The following CCDC33 variants were observed in gnomAD, a reference collection of about 807,000 sequenced individuals.
CCDC33 encodes the protein coiled-coil domain-containing protein 33.
In CCDC33, 94 loss-of-function variants were observed where a neutral mutation model predicts 91.9. That is an observed-to-expected ratio of 1.02 (90% CI 0.87 to 1.21). The LOEUF (loss-of-function observed/expected upper bound fraction) is 1.21, where lower values mean the gene tolerates loss of function less well. Among genes scored for constraint, CCDC33 ranks in the 50% most tolerant of loss-of-function variants. The probability of loss-of-function intolerance (pLI) is 0.00; values close to 1 mark genes in which losing one functional copy is unlikely to be tolerated. For synonymous variants in CCDC33, 396 were observed against 374.5 expected, an observed-to-expected ratio of 1.06 and a Z score of -0.66; for missense variants, 940 against 935.5, an observed-to-expected ratio of 1.00 and a Z score of -0.06.
rs754846509 is a variant in CCDC33 at position 74,335,049 on chromosome 15, T to C, written c.2100T>C (p.Gly700=). 2.0e-5 allele frequency: 32 copies of C among 1,613,716 alleles called. No individual in the cohort carries two copies. Among genetic ancestry groups the C allele is most frequent in the Non-Finnish European group, 2.5e-5 (30 of 1,179,910 alleles). ...LATRLQEQEK[G]FRHPSNSIII... is the part of the protein sequence containing the mutation. The stretch of plus-strand genomic sequence containing the variant: ...CACGGCTGCAGGAGCAAGAAAAAGG[T>C]TTCAGGCACCCCTCGAACTCCATCA... Residue 700 remains glycine, a synonymous_variant, in exon 18 of 19, where the codon GGT becomes GGC. Transcript: ENST00000398814.
chr15:74,263,400 CT>C (rs1460529972), intron 3 of CCDC33, among the ~76,000 whole-genome samples: 19 of 152,300 alleles, frequency 1.2e-4, no homozygotes, highest in Non-Finnish European at 2.4e-4. Flanking sequence ...AGAGGACAGG[CT>C]TTGCCTCTCC....
intron 7 of CCDC33, among the ~76,000 whole-genome samples, chr15:74,275,217 C>T (rs926837627): frequency 3.9e-5 from 6 of 152,248 alleles, no homozygotes; most frequent in Non-Finnish European, 8.8e-5. Flanking sequence ...CTGGGTTTGA[C>T]CCCAGCTCTG....
At chr15:74,242,795 G>A (rs758508276) in intron 1 of CCDC33, among the ~76,000 whole-genome samples, 7 of 151,920 alleles carry the variant, frequency 4.6e-5, no homozygotes, top group Non-Finnish European at 1.0e-4. Context: ...CCACCCCACC[G>A]CGTTTATATG....
chr15:74,254,899 C>T (rs2075815864), intron 2 of CCDC33, among the ~76,000 whole-genome samples: 1 of 152,084 alleles, frequency 6.6e-6, no homozygotes, highest in Non-Finnish European at 1.5e-5. Context: ...AGGCGTGTGC[C>T]AACACACCCG....
intron 11 of CCDC33, among the ~76,000 whole-genome samples, chr15:74,296,625 T>C (rs2059693234): frequency 1.3e-5 from 2 of 151,884 alleles, no homozygotes; most frequent in South Asian, 4.2e-4. Context: ...AAACTCCATC[T>C]CAAAAAATAA....
chr15:74,256,863 T>A (rs892294215), intron 2 of CCDC33, among the ~76,000 whole-genome samples: 7 of 152,178 alleles, frequency 4.6e-5, no homozygotes, highest in Admixed American at 4.6e-4. Context: ...TTGTCCGCCA[T>A]GGGTGGAAAG....
Position 74,272,818 on chromosome 15 carries a change from C to A in CCDC33, c.686C>A (p.Thr229Asn). ...CTGGCCTCTGTGGGGCTGCCCATCA[C>A]CCCACTGTCCTTCCCTATCCCGTCC... ...RDLASVGLPI[T>N]PLSFPIPSMM... Residue 229 changes from threonine to asparagine, a missense_variant, in exon 7 of 19, where the codon ACC becomes AAC. Coordinates refer to ENST00000398814, the MANE Select transcript of CCDC33 (RefSeq NM_025055.5). The A allele has an allele frequency of 6.2e-7, 1 of 1,614,226 alleles. No homozygotes were observed. The highest frequency in any genetic ancestry group is 8.5e-7 in the Non-Finnish European group (1 of 1,180,026).
At chr15:74,291,641 G>T (rs761072072) in intron 10 of CCDC33, among the ~76,000 whole-genome samples, 5 of 152,254 alleles carry the variant, frequency 3.3e-5, no homozygotes, top group Admixed American at 6.5e-5. Flanking sequence ...AGGCCGGAAG[G>T]CGGGCACTTT....
At chr15:74,297,561 G>T (rs1461238376) in intron 11 of CCDC33, among the ~76,000 whole-genome samples, 1 of 152,144 alleles carries the variant, frequency 6.6e-6, no homozygotes, top group Non-Finnish European at 1.5e-5. Flanking sequence ...GGACTTGTTG[G>T]TGCACGTCTG....
intron 11 of CCDC33, among the ~76,000 whole-genome samples, chr15:74,309,114 G>A (rs2059944905): frequency 6.6e-6 from 1 of 152,102 alleles, no homozygotes; most frequent in South Asian, 2.1e-4. Context: ...CAGGTGACCT[G>A]TCCCAAGCCC....
intron 2 of CCDC33, among the ~76,000 whole-genome samples, chr15:74,261,107 CCTT>C (rs1194300013): frequency 1.3e-5 from 2 of 152,184 alleles, no homozygotes; most frequent in East Asian, 3.8e-4. Flanking sequence ...GCTGCAGGGT[CCTT>C]CTTACAATCA....
chr15:74,335,691 A>G, intron 18 of CCDC33: 1 of 474,238 alleles, frequency 2.1e-6, no homozygotes, highest in Non-Finnish European at 3.8e-6. Context: ...CCTGGAAAGG[A>G]TGAGGGAACA....
At chr15:74,291,086 G>A (rs1253969090) in intron 10 of CCDC33, among the ~76,000 whole-genome samples, 1 of 152,188 alleles carries the variant, frequency 6.6e-6, no homozygotes, top group African/African-American at 2.4e-5. Flanking sequence ...AATGAATCAT[G>A]GCCCCACCAA....
rs1475579936 is a variant in CCDC33, at chr15:74,260,347, T to A, written c.186-2093T>A. On this transcript the variant is annotated intron_variant, in intron 2 of 18. Transcript: ENST00000398814. ...TGTGAGGAGTCCATTCTGCAGAGCC[T>A]GCAGGGGTGTGTCTGGATGGACGCT... Among the ~76,000 whole-genome samples, 4 of 152,212 alleles carry A rather than the reference T, an allele frequency of 2.6e-5. No individual in the cohort carries two copies. In the South Asian group the frequency reaches 8.3e-4, roughly 32 times the overall value.
At chr15:74,336,212 C>G, downstream of CCDC33, 5 of 1,434,446 alleles carry the variant, frequency 3.5e-6, no homozygotes, top group South Asian at 5.7e-5. Flanking sequence ...CACTCTGGGC[C>G]TGGGCCTGGG....
chr15:74,330,646 C>G lies in CCDC33; in HGVS notation c.1457-17C>G. 1 of 1,607,622 alleles carries G rather than the reference C, an allele frequency of 6.2e-7. No individual in the cohort carries two copies. Among genetic ancestry groups the G allele is most frequent in the Non-Finnish European group, 8.5e-7 (1 of 1,175,210 alleles). ...AGAGGCTTCCTCCCTGAGCCAGCTCCCCAACCCACCTAACAGTGTCCATGA... is the reference window on the plus strand; with the variant it reads ...AGAGGCTTCCTCCCTGAGCCAGCTCGCCAACCCACCTAACAGTGTCCATGA... On this transcript the variant is annotated splice_polypyrimidine_tract_variant and intron_variant, in intron 12 of 18. Transcript: ENST00000398814.
chr15:74,225,822 A>G (rs1269936839), intron 2 of CCDC33, among the ~76,000 whole-genome samples: 1 of 152,192 alleles, frequency 6.6e-6, no homozygotes, highest in Non-Finnish European at 1.5e-5. Flanking sequence ...GACAGCACCC[A>G]GTGAGCCCAC....
At chr15:74,276,837 C>G (rs548349474) in intron 7 of CCDC33, among the ~76,000 whole-genome samples, 1 of 152,348 alleles carries the variant, frequency 6.6e-6, no homozygotes, top group Non-Finnish European at 1.5e-5. Flanking sequence ...TACCTACTGC[C>G]CTTGTCCTTC....
chr15:74,290,041 A>G (rs2059555764), intron 10 of CCDC33, among the ~76,000 whole-genome samples: 1 of 151,716 alleles, frequency 6.6e-6, no homozygotes, highest in East Asian at 1.9e-4. Context: ...TTCTCAGAAA[A>G]TGGGAGTTGG....
Sources: allele counts gnomAD v4.1 joint callset (sites outside exome capture counted in the v4.1 genomes callset), GRCh38; gene constraint gnomAD v4.1.1; transcripts MANE v1.5; gene names NCBI Gene and HGNC (gene_info 2026-07-23, HGNC 2026-07-21).